Variants in LRP1B observed in about 807,000 individuals in gnomAD.
The protein encoded by LRP1B is low-density lipoprotein receptor-related protein 1B.
A neutral mutation model predicts 556.6 loss-of-function variants in LRP1B; 217 were observed. The ratio of observed to expected loss-of-function variants is 0.39; its 90% CI spans 0.35 to 0.44. The LOEUF (loss-of-function observed/expected upper bound fraction) is 0.44, where lower values mean the gene tolerates loss of function less well. Among genes scored for constraint, LRP1B ranks in the 20% least tolerant of loss-of-function variants. The pLI, the probability that LRP1B is intolerant of heterozygous loss-of-function variation, is 1.00. For synonymous variants in LRP1B, 2,047 were observed against 1,865.8 expected (o/e 1.10, Z -2.50); for missense variants, 5,053 against 5,620.8 (o/e 0.90, Z 3.23).
intron 31 of LRP1B, among the ~76,000 whole-genome samples, chr2:140,814,152 T>G (rs1691024825): frequency 6.6e-6 from 1 of 152,088 alleles, no homozygotes; most frequent in Admixed American, 6.6e-5. Flanking sequence ...TTTTTATTTT[T>G]ATTTTTTTAA....
chr2:142,054,929 T>C (rs1194686009), intron 1 of LRP1B, among the ~76,000 whole-genome samples: 1 of 152,168 alleles, frequency 6.6e-6, no homozygotes, highest in African/African-American at 2.4e-5. Context: ...AGAAACACTA[T>C]GTTTCACATC....
intron 2 of LRP1B, among the ~76,000 whole-genome samples, chr2:141,540,411 G>A (rs1685217068): frequency 2.0e-5 from 3 of 151,980 alleles, no homozygotes; most frequent in Non-Finnish European, 4.4e-5. Flanking sequence ...ATTGGAGTGT[G>A]TGTTCTAATT....
intron 41 of LRP1B, among the ~76,000 whole-genome samples, chr2:140,669,166 T>G (rs566794023): frequency 6.6e-6 from 1 of 152,306 alleles, no homozygotes; most frequent in African/African-American, 2.4e-5. Context: ...TAGTAGGAAT[T>G]TAATTTCCCA....
At chr2:141,164,650 G>A (rs993894396) in intron 7 of LRP1B, among the ~76,000 whole-genome samples, 8 of 151,988 alleles carry the variant, frequency 5.3e-5, no homozygotes, top group Admixed American at 1.3e-4. Context: ...TAGTCTTTAT[G>A]ATGATGTCTG....
chr2:141,520,165 T>G (rs1177933862), intron 2 of LRP1B, among the ~76,000 whole-genome samples: 2 of 152,106 alleles, frequency 1.3e-5, no homozygotes, highest in Non-Finnish European at 2.9e-5. Context: ...GTCTGGAAGA[T>G]TCTGAAACTT....
intron 1 of LRP1B, among the ~76,000 whole-genome samples, chr2:142,005,892 A>AG (rs1702786319): frequency 6.6e-6 from 1 of 150,410 alleles, no homozygotes; most frequent in Admixed American, 6.6e-5. Flanking sequence ...TCATGAAAAA[A>AG]AAAAAGAAAA....
intron 66 of LRP1B, among the ~76,000 whole-genome samples, chr2:140,402,442 G>T (rs940019941): frequency 2.0e-5 from 3 of 152,192 alleles, no homozygotes; most frequent in Non-Finnish European, 4.4e-5. Context: ...TGCACCTGTA[G>T]ACTGCCTTCA....
intron 2 of LRP1B, among the ~76,000 whole-genome samples, chr2:141,534,136 T>C (rs1413540539): frequency 1.3e-5 from 2 of 152,140 alleles, no homozygotes; most frequent in African/African-American, 4.8e-5. Flanking sequence ...GCAGAGGTAG[T>C]CCATCAAGAG....
intron 49 of LRP1B, among the ~76,000 whole-genome samples, chr2:140,519,513 A>C (rs1690064789): frequency 6.6e-6 from 1 of 152,212 alleles, no homozygotes; most frequent in Admixed American, 6.5e-5. Context: ...AAACCCTAGA[A>C]GAAAACCTCG....
intron 3 of LRP1B, among the ~76,000 whole-genome samples, chr2:141,268,967 T>A (rs999501952): frequency 2.6e-5 from 4 of 152,034 alleles, no homozygotes; most frequent in Non-Finnish European, 4.4e-5. Context: ...AAGACCAAAG[T>A]CAACCACTCA....
Position 141,355,188 on chromosome 2 carries a change from C to A in LRP1B, c.344-100547G>T, listed in dbSNP as rs558520542. 9.5e-4 allele frequency among the ~76,000 whole-genome samples: 144 copies of A among 152,184 alleles called. 2 individuals carry two copies. The highest frequency in any genetic ancestry group is 3.2e-3 in the African/African-American group (134 of 41,496). ...ACAGAAAAAAAATCAGTTTTGTCAT[C>A]ATCTGTCTACTAATTTGTCATCTAT... On this transcript the variant is annotated intron_variant, in intron 3 of 90. Coordinates refer to ENST00000389484, the MANE Select transcript of LRP1B (RefSeq NM_018557.3).
chr2:140,270,420 T>C (rs1682405074), intron 85 of LRP1B, 74 bp from the exon 86 acceptor site: 2 of 965,834 alleles, frequency 2.1e-6, no homozygotes, highest in Non-Finnish European at 3.3e-6. Flanking sequence ...ACATAAACTC[T>C]CTGTGGATGA....
intron 3 of LRP1B, among the ~76,000 whole-genome samples, chr2:141,463,622 T>TTA (rs1275553830): frequency 3.6e-5 from 4 of 111,192 alleles, no homozygotes; most frequent in South Asian, 2.5e-4. Flanking sequence ...TAATTATGTA[T>TTA]TATATATTAT....
At chr2:141,078,303 A>AT (rs35192825) in intron 7 of LRP1B, among the ~76,000 whole-genome samples, 25 of 151,142 alleles carry the variant, frequency 1.7e-4, no homozygotes, top group African/African-American at 4.4e-4. Flanking sequence ...TGTCCAGTTC[A>AT]TTTTTTTTTT....
rs139249203 is a variant in LRP1B at position 141,112,392 on chromosome 2, G to A, written c.1014-50119C>T. 5.6e-3 allele frequency among the ~76,000 whole-genome samples: 858 copies of A among 152,122 alleles called. 12 individuals are homozygous for A. The highest frequency in any genetic ancestry group is 0.019 in the African/African-American group (790 of 41,512). ...CACATTTTTCTAATTCTTTGCTTTTGGTTGGTAATTTTGCTATTTAAAATG... is the reference window on the plus strand; with the variant it reads ...CACATTTTTCTAATTCTTTGCTTTTAGTTGGTAATTTTGCTATTTAAAATG... On this transcript the variant is annotated intron_variant, in intron 7 of 90. Coordinates refer to ENST00000389484, the MANE Select transcript of LRP1B (RefSeq NM_018557.3).
intron 2 of LRP1B, among the ~76,000 whole-genome samples, chr2:141,678,890 C>T (rs164979): frequency 0.22 from 33,840 of 152,026 alleles, 5,386 homozygotes; most frequent in African/African-American, 0.44. Context: ...CTATGAAACT[C>T]CAGCCCCTTG....
chr2:141,221,201 G>A lies in LRP1B; in HGVS notation c.850+7982C>T, dbSNP rs555515122. On this transcript the variant is annotated intron_variant, in intron 6 of 90. Coordinates refer to ENST00000389484, the MANE Select transcript of LRP1B (RefSeq NM_018557.3). ...CACATAGGCTCAAAATAAAGGGATGGAGGAAAATTTATCAAGCAAATGGAA... is the reference window on the plus strand; with the variant it reads ...CACATAGGCTCAAAATAAAGGGATGAAGGAAAATTTATCAAGCAAATGGAA... 1.9e-4 allele frequency among the ~76,000 whole-genome samples: 28 copies of A among 151,236 alleles called. 1 individual carries two copies. Among genetic ancestry groups the A allele is most frequent in the South Asian group, 1.5e-3 (7 of 4,722 alleles).
chr2:140,644,030 C>T (rs539696557), intron 41 of LRP1B, among the ~76,000 whole-genome samples: 12 of 152,292 alleles, frequency 7.9e-5, no homozygotes, highest in African/African-American at 2.6e-4. Context: ...AACTTTTTCT[C>T]GTTACTCTAG....
At chr2:141,979,268 A>AT (rs1701978471) in intron 1 of LRP1B, among the ~76,000 whole-genome samples, 1 of 152,144 alleles carries the variant, frequency 6.6e-6, no homozygotes, top group South Asian at 2.1e-4. Context: ...AGAGATAGAA[A>AT]TGTTTATGAG....
Sources: gnomAD v4.1 joint callset for allele counts (sites outside exome capture counted in the v4.1 genomes callset) on GRCh38, gnomAD v4.1.1 for gene constraint, MANE v1.5 for transcripts, NCBI Gene and HGNC (gene_info 2026-07-23, HGNC 2026-07-21) for gene names.